Variants in ABCG1 observed in about 807,000 individuals in gnomAD.
ABCG1 encodes the protein ATP-binding cassette sub-family G member 1.
Under a neutral mutation model 69.2 loss-of-function variants are expected in ABCG1, and 29 were observed. That is an observed-to-expected ratio of 0.42 (90% CI 0.31 to 0.57). The LOEUF (loss-of-function observed/expected upper bound fraction) is 0.57. Among genes scored for constraint, ABCG1 ranks in the 20% least tolerant of loss-of-function variants. The pLI, the probability that ABCG1 is intolerant of heterozygous loss-of-function variation, is 0.15. For missense variants in ABCG1, 718 were observed against 898.1 expected (o/e 0.80, Z 2.56); for synonymous variants, 370 against 374.8 (o/e 0.99, Z 0.15).
chr21:42,232,212 T>C (rs1323369583), intron 2 of ABCG1, among the ~76,000 whole-genome samples: 4 of 152,256 alleles, frequency 2.6e-5, no homozygotes, highest in African/African-American at 9.6e-5. Flanking sequence ...AGTTGAATGT[T>C]TAGCCGCCAT....
upstream of ABCG1, among the ~76,000 whole-genome samples, chr21:42,213,199 A>AT (rs2067606507): frequency 6.6e-6 from 1 of 152,264 alleles, no homozygotes; most frequent in Admixed American, 6.5e-5. Context: ...TTCAGAGGTT[A>AT]TTATTGCTGC....
intron 2 of ABCG1, among the ~76,000 whole-genome samples, chr21:42,268,484 G>C (rs225398): frequency 0.67 from 101,777 of 151,910 alleles, 34,622 homozygotes; most frequent in African/African-American, 0.79. Flanking sequence ...ACTTTTAGAT[G>C]TGCACAAGGT....
intron 2 of ABCG1, among the ~76,000 whole-genome samples, chr21:42,252,534 C>A (rs2068239293): frequency 1.3e-5 from 2 of 152,018 alleles, no homozygotes. Context: ...CTTTCGTTGT[C>A]CTGTTTGAGA....
Position 42,290,191 on chromosome 21 carries a change from G to A in ABCG1, c.1366G>A (p.Ala456Thr), listed in dbSNP as rs1184783690. Reference protein sequence around the residue: ...LFFSMLFLMFAALMPTVLTFP... With the variant: ...LFFSMLFLMFTALMPTVLTFP... ...CTTCTCCATGCTGTTCCTCATGTTC[G>A]CGGCCCTCATGCCTACTGTTCTGAC... Residue 456 changes from alanine (A) to threonine (T), a missense_variant, in exon 11 of 15, where the codon GCG (alanine) becomes ACG (threonine). Ala to Thr is a moderately conservative substitution (Grantham distance 58). Coordinates refer to ENST00000398449, the MANE Select transcript of ABCG1 (RefSeq NM_016818.3). The A allele has an allele frequency of 1.2e-6, 2 of 1,614,116 alleles. No homozygotes were observed. The highest frequency in any genetic ancestry group is 8.5e-7 in the Non-Finnish European group (1 of 1,180,028).
intron 2 of ABCG1, among the ~76,000 whole-genome samples, chr21:42,250,838 C>T (rs547892183): frequency 9.5e-4 from 145 of 152,284 alleles, no homozygotes; most frequent in African/African-American, 3.3e-3. Context: ...GGGTCAGGAG[C>T]CCAACAAGGG....
At position 42,271,146 on chromosome 21, in the gene ABCG1, G is replaced by C; in HGVS notation, c.363G>C (p.Gly121=). 1.3e-6 allele frequency: 2 copies of C among 1,579,850 alleles called. No individual in the cohort carries two copies. Among genetic ancestry groups the C allele is most frequent in the Non-Finnish European group, 1.7e-6 (2 of 1,165,774 alleles). Residue 121 remains glycine (G), a synonymous_variant, in exon 3 of 15, where the codon GGG becomes GGC. Transcript: ENST00000398449. Reference sequence around the variant, plus strand: ...TGGTGGCCATTATGGGTCCTTCCGGGGCCGGGAAGTCCACGCTGATGAACA... The same window carrying C: ...TGGTGGCCATTATGGGTCCTTCCGGCGCCGGGAAGTCCACGCTGATGAACA... The part of the protein sequence containing the change: ...GELVAIMGPS[G]AGKSTLMNIL...
intron 6 of ABCG1, among the ~76,000 whole-genome samples, chr21:42,283,502 G>C (rs1265207250): frequency 6.6e-6 from 1 of 152,210 alleles, no homozygotes; most frequent in African/African-American, 2.4e-5. Context: ...ACCTGCTGGA[G>C]TAAAGCCCAC....
chr21:42,222,442 G>A (rs2123507503), intron 1 of ABCG1, among the ~76,000 whole-genome samples: 1 of 152,292 alleles, frequency 6.6e-6, no homozygotes, highest in African/African-American at 2.4e-5. Flanking sequence ...TCCTTGGTGT[G>A]GATTTTCCTA....
At chr21:42,286,021 G>A (rs113464991) in intron 8 of ABCG1, 27 bp downstream of exon 8, 3 of 1,499,550 alleles carry the variant, frequency 2.0e-6, no homozygotes, top group Non-Finnish European at 1.9e-6. Flanking sequence ...GCAGCTCGGG[G>A]GACAGAAAGG....
chr21:42,208,139 A>G (rs1184095734), intron 2 of ABCG1, among the ~76,000 whole-genome samples: 1 of 151,962 alleles, frequency 6.6e-6, no homozygotes, highest in Non-Finnish European at 1.5e-5. Flanking sequence ...GTTGAAGCAG[A>G]GAAGTTATTG....
At chr21:42,277,306 C>T (rs1469089934) in intron 5 of ABCG1, among the ~76,000 whole-genome samples, 2 of 152,192 alleles carry the variant, frequency 1.3e-5, no homozygotes, top group Admixed American at 1.3e-4. Context: ...TTTTATAAGA[C>T]AATAACAATG....
intron 13 of ABCG1, among the ~76,000 whole-genome samples, chr21:42,294,089 C>T (rs1027138519): frequency 6.6e-6 from 1 of 152,158 alleles, no homozygotes; most frequent in African/African-American, 2.4e-5. Flanking sequence ...CTCTGGGCTG[C>T]CCTCCCGGAG....
At chr21:42,274,197 A>G (rs2068668213) in intron 4 of ABCG1, among the ~76,000 whole-genome samples, 1 of 152,242 alleles carries the variant, frequency 6.6e-6, no homozygotes, top group African/African-American at 2.4e-5. Flanking sequence ...AAGGGAAAAT[A>G]CAGGGAAGGT....
rs867723958 is a variant in ABCG1, at chr21:42,283,512, C to T, written c.735-1048C>T. Among the ~76,000 whole-genome samples the T allele has an allele frequency of 6.6e-5, 10 of 152,198 alleles. 1 individual carries two copies. On this transcript the variant is annotated intron_variant, in intron 6 of 14. Transcript: ENST00000398449. ...GAAACACCTGCTGGAGTAAAGCCCA[C>T]CTGGGCTGCAGCAAGGCCACCTTCT...
At position 42,273,322 on chromosome 21, in the gene ABCG1, G is replaced by A. The variant is rs759955731; in HGVS notation, c.424G>A (p.Ala142Thr). The change falls in exon 4 of 15, where the codon GCC becomes ACC. Residue 142 changes from alanine to threonine, a missense_variant. This residue lies in a region of ABCG1 where 514 missense variants were observed against 574.3 expected (regional missense o/e 0.90). Coordinates refer to ENST00000398449, the MANE Select transcript of ABCG1 (RefSeq NM_016818.3). This position sits in a 1 kb window ranked among gnomAD's most constrained non-coding sequence, Gnocchi z 5.3. Reference sequence around the variant, plus strand: ...CTGCAGGGAGACGGGCATGAAGGGGGCCGTCCTCATCAACGGCCTGCCCCG... The same window carrying A: ...CTGCAGGGAGACGGGCATGAAGGGGACCGTCCTCATCAACGGCCTGCCCCG... ...AGYRETGMKGAVLINGLPRDL... is the reference protein window; with the variant it reads ...AGYRETGMKGTVLINGLPRDL... The A allele has an allele frequency of 6.2e-7, 1 of 1,613,470 alleles. No individual in the cohort carries two copies. Among genetic ancestry groups the A allele is most frequent in the South Asian group, 1.1e-5 (1 of 91,064 alleles).
upstream of ABCG1, among the ~76,000 whole-genome samples, chr21:42,212,905 G>A (rs1384492574): frequency 2.0e-5 from 3 of 152,154 alleles, no homozygotes; most frequent in South Asian, 2.1e-4. Flanking sequence ...ATGTTAGCCA[G>A]GATGGTCTCG....
Position 42,286,625 on chromosome 21 carries a change from G to T in ABCG1, c.973+631G>T, listed in dbSNP as rs371577650. Among the ~76,000 whole-genome samples, 8 of 152,312 alleles carry T rather than the reference G, an allele frequency of 5.3e-5. No individual in the cohort carries two copies. The East Asian group carries it at 1.2e-3, about 22-fold the overall frequency. On this transcript the variant is annotated intron_variant, in intron 8 of 14. Coordinates refer to ENST00000398449, the MANE Select transcript of ABCG1 (RefSeq NM_016818.3). The stretch of plus-strand genomic sequence containing the variant: ...GGGTTGTGGTTCTGGTTTCGTGCTC[G>T]CTCACAAGGAAGAGTAACAGATCAG...
At chr21:42,211,905 A>C (rs770869662), upstream of ABCG1, among the ~76,000 whole-genome samples, 4 of 152,008 alleles carry the variant, frequency 2.6e-5, no homozygotes, top group Non-Finnish European at 5.9e-5. Context: ...AAAAATCAAA[A>C]AACAAAACAA....
At chr21:42,251,991 T>C (rs1051966726) in intron 2 of ABCG1, among the ~76,000 whole-genome samples, 6 of 152,252 alleles carry the variant, frequency 3.9e-5, no homozygotes, top group Non-Finnish European at 8.8e-5. Context: ...GGCATCCCTC[T>C]GCTTGGCAGC....
Sources: gnomAD v4.1 joint callset for allele counts (sites outside exome capture counted in the v4.1 genomes callset) on GRCh38, gnomAD v4.1.1 for gene constraint, gnomAD v4.1.1 regional missense constraint, Gnocchi (gnomAD v3.1) non-coding constraint, MANE v1.5 for transcripts, NCBI Gene and HGNC (gene_info 2026-07-23, HGNC 2026-07-21) for gene names.